Variants in CDKL4 observed in about 807,000 individuals in gnomAD.
The protein encoded by CDKL4 is cyclin dependent kinase like 4.
A neutral mutation model predicts 42.0 loss-of-function variants in CDKL4; 44 were observed. That is an observed-to-expected ratio of 1.05 (90% CI 0.82 to 1.35). The LOEUF is 1.35. Among genes scored for constraint, CDKL4 ranks in the 40% most tolerant of loss-of-function variants. CDKL4 has a pLI of 0.00. For synonymous variants in CDKL4, 120 were observed against 121.6 expected, an observed-to-expected ratio of 0.99 and a Z score of 0.09; for missense variants, 393 against 369.9, an observed-to-expected ratio of 1.06 and a Z score of -0.51.
At chr2:39,192,031 T>A (rs1246666962) in intron 5 of CDKL4, among the ~76,000 whole-genome samples, 2 of 152,220 alleles carry the variant, frequency 1.3e-5, no homozygotes, top group Non-Finnish European at 2.9e-5. Context: ...AAGGAAATAA[T>A]CTTTACTTGC....
intron 3 of CDKL4, among the ~76,000 whole-genome samples, chr2:39,219,234 T>C (rs1277750007): frequency 2.0e-5 from 3 of 152,138 alleles, no homozygotes; most frequent in Non-Finnish European, 4.4e-5. Flanking sequence ...AATTCTGTTG[T>C]TGAATCCTGA....
At position 39,205,977 on chromosome 2, in the gene CDKL4, G is replaced by T. The variant is rs563255488; in HGVS notation, c.364-1360C>A. ...AACGATCAGCAACACTCCTGAGACG[G>T]CCCACGATGCTGTCAGAATCCATAC... On this transcript the variant is annotated intron_variant, in intron 4 of 9. Transcript: ENST00000451199. 2.0e-5 allele frequency among the ~76,000 whole-genome samples: 3 copies of T among 152,088 alleles called. No individual in the cohort carries two copies. The South Asian group carries it at 6.2e-4, about 32-fold the overall frequency.
chr2:39,204,041 T>C (rs960705768), intron 5 of CDKL4, among the ~76,000 whole-genome samples: 3 of 152,206 alleles, frequency 2.0e-5, no homozygotes, highest in African/African-American at 7.2e-5. Context: ...CTTCAGTTCC[T>C]CCTTGCCTGG....
At chr2:39,229,610 C>T (rs540995823) in intron 1 of CDKL4, 22 bp from the exon 2 acceptor site, 7 of 1,178,532 alleles carry the variant, frequency 5.9e-6, no homozygotes, top group Non-Finnish European at 8.4e-6. Flanking sequence ...GGTAGACTTG[C>T]CTTAATCAAG....
chr2:39,226,347 C>G (rs542063936), intron 2 of CDKL4, among the ~76,000 whole-genome samples: 1 of 149,248 alleles, frequency 6.7e-6, no homozygotes, highest in African/African-American at 2.5e-5. Context: ...AATACTTGTT[C>G]CTAACCATCA....
intron 9 of CDKL4, chr2:39,178,422 A>G (rs1004132392): frequency 5.6e-6 from 4 of 720,362 alleles, no homozygotes; most frequent in Non-Finnish European, 6.7e-6. Flanking sequence ...ATTATTAGGC[A>G]ATGTTCGTCT....
chr2:39,209,482 C>T (rs72927491), intron 4 of CDKL4, among the ~76,000 whole-genome samples: 14 of 152,122 alleles, frequency 9.2e-5, no homozygotes, highest in African/African-American at 1.7e-4. Context: ...CAAATGAATA[C>T]GTATTTTCTT....
chr2:39,184,143 C>T (rs77820925), intron 8 of CDKL4, among the ~76,000 whole-genome samples: 6 of 152,178 alleles, frequency 3.9e-5, no homozygotes, highest in Non-Finnish European at 1.5e-5. Flanking sequence ...GTAGACAGAA[C>T]TTAATTGATT....
intron 1 of CDKL4, among the ~76,000 whole-genome samples, chr2:39,241,622 G>A (rs771435662): frequency 6.6e-6 from 1 of 152,074 alleles, no homozygotes; most frequent in African/African-American, 2.4e-5. Context: ...AACACTTTCA[G>A]GTCTCTAAGT....
intron 4 of CDKL4, among the ~76,000 whole-genome samples, chr2:39,207,675 A>C (rs1043227621): frequency 3.9e-5 from 6 of 152,220 alleles, no homozygotes; most frequent in Non-Finnish European, 8.8e-5. Flanking sequence ...TTATTTTTCA[A>C]CCAAATATAC....
chr2:39,226,471 AT>A (rs1678747877), intron 2 of CDKL4, among the ~76,000 whole-genome samples: 1 of 142,474 alleles, frequency 7.0e-6, no homozygotes, highest in Admixed American at 7.3e-5. Context: ...TATATTATAT[AT>A]ATATAATATA....
chr2:39,170,514 A>C, the CDKL4 span, among the ~76,000 whole-genome samples: 3 of 151,846 alleles, frequency 2.0e-5, no homozygotes, highest in African/African-American at 7.3e-5. Context: ...TAGAATGCAA[A>C]GGCACGATCT....
chr2:39,197,589 A>G (rs1421371433), intron 5 of CDKL4, among the ~76,000 whole-genome samples: 2 of 152,196 alleles, frequency 1.3e-5, no homozygotes, highest in Admixed American at 1.3e-4. Context: ...ACTCTGAGGC[A>G]AAAGCATCAG....
chr2:39,179,033 C>T, intron 9 of CDKL4, 154 bp downstream of exon 9: 1 of 1,480,046 alleles, frequency 6.8e-7, no homozygotes, highest in Non-Finnish European at 8.9e-7. Context: ...GGTTTTATTA[C>T]ATCAATTACC....
chr2:39,175,939 T>C (rs1675146863), exon 10 of CDKL4: 7 of 434,730 alleles, frequency 1.6e-5, no homozygotes, highest in South Asian at 1.2e-4. Context: ...AATTCCTATC[T>C]CACTTGTACA....
At chr2:39,226,428 T>C (rs1678718581) in intron 2 of CDKL4, among the ~76,000 whole-genome samples, 1 of 119,858 alleles carries the variant, frequency 8.3e-6, no homozygotes, top group Non-Finnish European at 1.9e-5. Context: ...TATTTATATT[T>C]ATATAAATTA....
intron 8 of CDKL4, among the ~76,000 whole-genome samples, chr2:39,181,174 C>G (rs1415649511): frequency 6.6e-6 from 1 of 152,128 alleles, no homozygotes; most frequent in Non-Finnish European, 1.5e-5. Context: ...CACTACTGAC[C>G]AAGCCCTCCT....
intron 1 of CDKL4, among the ~76,000 whole-genome samples, chr2:39,238,339 G>A (rs915255603): frequency 2.6e-5 from 4 of 152,142 alleles, no homozygotes; most frequent in African/African-American, 4.8e-5. Flanking sequence ...ATGTTGAGGC[G>A]GGAGGATCAC....
At chr2:39,225,716 T>G (rs560269354) in intron 3 of CDKL4, 123 bp downstream of exon 3, 2 of 892,874 alleles carry the variant, frequency 2.2e-6, no homozygotes, top group East Asian at 2.8e-5. Context: ...CTGGATGGGG[T>G]AGCCAGATGC....
Sources: gnomAD v4.1 joint callset for allele counts (sites outside exome capture counted in the v4.1 genomes callset) on GRCh38, gnomAD v4.1.1 for gene constraint, MANE v1.5 for transcripts, NCBI Gene and HGNC (gene_info 2026-07-23, HGNC 2026-07-21) for gene names.